Variants in FBXL17 observed in about 807,000 individuals in gnomAD.
The protein encoded by FBXL17 is F-box/LRR-repeat protein 17.
A neutral mutation model predicts 66.2 loss-of-function variants in FBXL17; 22 were observed. The observed-to-expected ratio is 0.33, with a 90% CI of 0.24 to 0.47. The LOEUF (loss-of-function observed/expected upper bound fraction) is 0.47, where lower values mean the gene tolerates loss of function less well. FBXL17 is among the 20% of genes least tolerant of loss of function. The pLI, the probability that FBXL17 is intolerant of heterozygous loss-of-function variation, is 1.00. For synonymous variants in FBXL17, 474 were observed against 400.5 expected (o/e 1.18, Z -2.19); for missense variants, 878 against 948.2 (o/e 0.93, Z 0.97).
chr5:108,285,081 G>A (rs777840060), intron 4 of FBXL17, among the ~76,000 whole-genome samples: 5 of 151,768 alleles, frequency 3.3e-5, no homozygotes, highest in African/African-American at 7.3e-5. Context: ...CATCTTCACC[G>A]GTAGATTCCA....
intron 4 of FBXL17, among the ~76,000 whole-genome samples, chr5:108,240,192 G>C (rs1580674509): frequency 6.6e-6 from 1 of 152,136 alleles, no homozygotes; most frequent in Non-Finnish European, 1.5e-5. Context: ...ACATTAAAGA[G>C]GACTTTATCT....
At chr5:108,123,739 A>G (rs1196830751) in intron 6 of FBXL17, among the ~76,000 whole-genome samples, 2 of 152,116 alleles carry the variant, frequency 1.3e-5, no homozygotes, top group African/African-American at 2.4e-5. Context: ...AATGGAGCAC[A>G]CACAAAAAAA....
intron 7 of FBXL17, among the ~76,000 whole-genome samples, chr5:107,974,268 C>T (rs1220498332): frequency 2.6e-5 from 4 of 152,044 alleles, no homozygotes; most frequent in Non-Finnish European, 5.9e-5. Context: ...CAACAACGTA[C>T]GTACTGAGTA....
intron 6 of FBXL17, among the ~76,000 whole-genome samples, chr5:108,106,344 G>C (rs1749795162): frequency 6.6e-6 from 1 of 152,222 alleles, no homozygotes; most frequent in Non-Finnish European, 1.5e-5. Flanking sequence ...CACTCTGGAA[G>C]GAAGTCTGGG....
chr5:108,231,022 G>C (rs1325804247), intron 4 of FBXL17, among the ~76,000 whole-genome samples: 1 of 152,012 alleles, frequency 6.6e-6, no homozygotes, highest in Admixed American at 6.6e-5. Flanking sequence ...AAAAATCCTA[G>C]GGTGATTCTT....
chr5:108,185,738 T>C (rs551240454), intron 6 of FBXL17, among the ~76,000 whole-genome samples: 1 of 152,304 alleles, frequency 6.6e-6, no homozygotes, highest in African/African-American at 2.4e-5. Context: ...ATGTTTCAGA[T>C]GGTTTCTCCA....
At chr5:108,018,255 A>G (rs1021499376) in intron 7 of FBXL17, among the ~76,000 whole-genome samples, 1 of 152,260 alleles carries the variant, frequency 6.6e-6, no homozygotes, top group Middle Eastern at 3.4e-3. Context: ...TCAATAATCA[A>G]AAAGTCCTAT....
chr5:108,154,666 T>C (rs1751919375), intron 6 of FBXL17, among the ~76,000 whole-genome samples: 1 of 142,032 alleles, frequency 7.0e-6, no homozygotes, highest in African/African-American at 2.6e-5. Context: ...TATATACATA[T>C]ATATGTGTAT....
intron 4 of FBXL17, among the ~76,000 whole-genome samples, chr5:108,238,107 G>A (rs1435922149): frequency 6.6e-6 from 1 of 152,088 alleles, no homozygotes; most frequent in Admixed American, 6.6e-5. Flanking sequence ...CTTCTTATTT[G>A]AAACAGTAAT....
intron 5 of FBXL17, among the ~76,000 whole-genome samples, chr5:108,219,120 G>A (rs113986502): frequency 5.9e-4 from 90 of 152,262 alleles, no homozygotes; most frequent in Admixed American, 5.9e-4. Flanking sequence ...CACTTAGAGT[G>A]TCTTTATCAA....
At chr5:107,951,405 A>G (rs1457403193) in intron 7 of FBXL17, among the ~76,000 whole-genome samples, 2 of 152,226 alleles carry the variant, frequency 1.3e-5, no homozygotes, top group East Asian at 1.9e-4. Context: ...GCATTCAGAT[A>G]AAAAACTGCC....
At chr5:108,050,174 A>G (rs1747415572) in intron 6 of FBXL17, among the ~76,000 whole-genome samples, 1 of 152,254 alleles carries the variant, frequency 6.6e-6, no homozygotes, top group Non-Finnish European at 1.5e-5. Context: ...TATTAGATAG[A>G]TTAACGAGAC....
chr5:108,167,490 T>C (rs1561443923), intron 6 of FBXL17, among the ~76,000 whole-genome samples: 3 of 152,276 alleles, frequency 2.0e-5, no homozygotes, highest in South Asian at 4.2e-4. Context: ...TGATAAAATT[T>C]TGGAACAAAA....
chr5:107,915,205 C>T (rs1359061542), intron 7 of FBXL17, among the ~76,000 whole-genome samples: 1 of 152,068 alleles, frequency 6.6e-6, no homozygotes, highest in African/African-American at 2.4e-5. Flanking sequence ...TGTTTGAATT[C>T]TAAATGAAGA....
intron 6 of FBXL17, among the ~76,000 whole-genome samples, chr5:108,032,377 G>A (rs1321208968): frequency 6.6e-6 from 1 of 152,018 alleles, no homozygotes; most frequent in Non-Finnish European, 1.5e-5. Flanking sequence ...GTAGTAGGCC[G>A]AACGGTGACC....
intron 4 of FBXL17, chr5:108,299,602 G>A: frequency 2.1e-6 from 2 of 968,658 alleles, no homozygotes; most frequent in Non-Finnish European, 1.2e-6. Context: ...CCAATAAATT[G>A]CTATAATGAA....
At chr5:108,291,717 A>G (rs2150163039) in intron 4 of FBXL17, among the ~76,000 whole-genome samples, 1 of 152,278 alleles carries the variant, frequency 6.6e-6, no homozygotes, top group East Asian at 1.9e-4. Context: ...ATCTCAAATG[A>G]GACATGTTTA....
At chr5:108,375,076 G>A (rs988120054) in intron 1 of FBXL17, among the ~76,000 whole-genome samples, 2 of 152,042 alleles carry the variant, frequency 1.3e-5, no homozygotes, top group Admixed American at 6.5e-5. Context: ...TGATGAGGCC[G>A]AGCACAATGG....
intron 6 of FBXL17, among the ~76,000 whole-genome samples, chr5:108,046,042 G>T (rs1346701065): frequency 6.6e-6 from 1 of 152,170 alleles, no homozygotes; most frequent in Admixed American, 6.5e-5. Context: ...ACCAATTGTT[G>T]AGAGAGGAGT....
Sources: allele counts gnomAD v4.1 joint callset (sites outside exome capture counted in the v4.1 genomes callset), GRCh38; gene constraint gnomAD v4.1.1; transcripts MANE v1.5; gene names NCBI Gene and HGNC (gene_info 2026-07-23, HGNC 2026-07-21).